Variants in ATM observed in about 807,000 individuals in gnomAD.
ATM encodes the protein serine-protein kinase ATM.
Under a neutral mutation model 387.0 loss-of-function variants are expected in ATM, and 308 were observed. That is an observed-to-expected ratio of 0.80 (90% CI 0.73 to 0.87). The LOEUF (loss-of-function observed/expected upper bound fraction) is 0.87, where lower values mean the gene tolerates loss of function less well. ATM is among the 40% of genes least tolerant of loss of function. The probability of loss-of-function intolerance (pLI) is 0.00; values close to 1 mark genes in which losing one functional copy is unlikely to be tolerated. For synonymous variants in ATM, 1,156 were observed against 1,187.3 expected, an observed-to-expected ratio of 0.97 and a Z score of 0.54; for missense variants, 3,312 against 3,560.9, an observed-to-expected ratio of 0.93 and a Z score of 1.78.
At position 108,290,780 on chromosome 11, in the gene ATM, A is replaced by G. The variant is rs954912406; in HGVS notation, c.4436+979A>G. The G allele has an allele frequency of 2.0e-5, 3 of 150,592 alleles. No individual in the cohort carries two copies. In the East Asian group the frequency reaches 5.9e-4, roughly 29 times the overall value. 9.3% of individuals were successfully genotyped at this position (150,592 alleles called of 1,614,324 possible). A position where few individuals can be genotyped will look rare whatever the true frequency, so the allele number is the denominator to read the frequency against. On this transcript the variant is annotated intron_variant, in intron 29 of 62. Transcript: ENST00000675843. ...GAGGCTGCCAGTGAGCCTTGATTGC[A>G]CCACTGCATTCATGCCTGGGCAACA...
rs1591398314 is a variant in ATM at position 108,368,664 on chromosome 11, C to G, written c.*3156C>G. ...GGTCAATGAAAACCAAATAGTGAAGCTATCAGAGAAGCTAATAAATTATAG... is the reference window on the plus strand; with the variant it reads ...GGTCAATGAAAACCAAATAGTGAAGGTATCAGAGAAGCTAATAAATTATAG... On this transcript the variant is annotated 3_prime_UTR_variant, in exon 63 of 63. Transcript: ENST00000675843. 2 of 217,258 alleles carry G rather than the reference C, an allele frequency of 9.2e-6. No individual in the cohort carries two copies. Among genetic ancestry groups the G allele is most frequent in the South Asian group, 1.9e-4 (1 of 5,380 alleles). 13.5% of individuals were successfully genotyped at this position (217,258 alleles called of 1,614,324 possible).
chr11:108,252,758 A>T (rs2080223331), intron 11 of ATM, 59 bp from the exon 12 acceptor site: 1 of 1,177,174 alleles, frequency 8.5e-7, no homozygotes, highest in Non-Finnish European at 1.3e-6. Context: ...GTTAAAGTTT[A>T]AAGTATTCTT....
chr11:108,255,231 G>A (rs1246845459), intron 13 of ATM, among the ~76,000 whole-genome samples: 1 of 152,024 alleles, frequency 6.6e-6, no homozygotes, highest in Non-Finnish European at 1.5e-5. Context: ...CATGAGAGGG[G>A]ACAGTGTGCC....
intron 19 of ATM, 36 bp downstream of exon 19, chr11:108,271,182 A>T (rs2135549738): frequency 6.2e-7 from 1 of 1,613,364 alleles, no homozygotes. Flanking sequence ...GTTCACTTTA[A>T]AGTTATAAAA....
Position 108,272,591 on chromosome 11 carries a change from T to C in ATM, c.3137T>C (p.Leu1046Pro), listed in dbSNP as rs568461905. The C allele has an allele frequency of 1.9e-6, 3 of 1,613,832 alleles. No individual in the cohort carries two copies. The highest frequency in any genetic ancestry group is 2.2e-5 in the South Asian group (2 of 91,080). The change falls in exon 21 of 63, where the codon CTT becomes CCT. Residue 1046 changes from leucine to proline, a missense_variant. Coordinates refer to ENST00000675843, the MANE Select transcript of ATM (RefSeq NM_000051.4). ...GTAAGAATGGCCCTAGTAAATTGCC[T>C]TAAAACTTTGCTTGAGGTGAGTTTT... ...FSVRMALVNC[L>P]KTLLEADPYS...
chr11:108,349,259 A>G (rs1260678844), intron 59 of ATM, among the ~76,000 whole-genome samples: 6 of 152,230 alleles, frequency 3.9e-5, no homozygotes, highest in African/African-American at 2.4e-5. Flanking sequence ...AGACCTTTGA[A>G]TTTAACAAGT....
intron 22 of ATM, among the ~76,000 whole-genome samples, chr11:108,273,668 A>T (rs2081756535): frequency 6.6e-6 from 1 of 151,804 alleles, no homozygotes; most frequent in Non-Finnish European, 1.5e-5. Flanking sequence ...TGTTTATGTG[A>T]TGGATTATGT....
At chr11:108,262,258 A>T (rs1399570931) in intron 16 of ATM, among the ~76,000 whole-genome samples, 2 of 152,256 alleles carry the variant, frequency 1.3e-5, no homozygotes, top group Non-Finnish European at 2.9e-5. Context: ...CCTGAGAGGG[A>T]AGCACATCAG....
In ATM at chr11:108,281,031, A is replaced by G. The variant is rs769853739; in HGVS notation, c.3439A>G (p.Ile1147Val). 1.2e-6 allele frequency: 2 copies of G among 1,613,504 alleles called. No individual in the cohort carries two copies. Among genetic ancestry groups the G allele is most frequent in the Non-Finnish European group, 1.7e-6 (2 of 1,179,694 alleles). Reference protein sequence around the residue: ...SAENPETLDEIYNRKSVLLTL... With the variant: ...SAENPETLDEVYNRKSVLLTL... ...TGAGAACCCTGAAACTTTGGATGAA[A>G]TTTATAATAGAAAATCTGTTTTACT... is the stretch of plus-strand genomic sequence containing the variant. Residue 1147 changes from isoleucine to valine, a missense_variant, in exon 24 of 63, where the codon ATT (isoleucine) becomes GTT (valine). This residue lies in a region of ATM where 1,791 missense variants were observed against 1,804.5 expected (regional missense o/e 0.99). Coordinates refer to ENST00000675843, the MANE Select transcript of ATM (RefSeq NM_000051.4).
In ATM at chr11:108,353,759, A is replaced by T. The variant is rs2137284033; in HGVS notation, c.8672-7A>T. 3 of 1,589,392 alleles carry T rather than the reference A, an allele frequency of 1.9e-6. No individual in the cohort carries two copies. Among genetic ancestry groups the T allele is most frequent in the Non-Finnish European group, 2.6e-6 (3 of 1,157,474 alleles). The stretch of plus-strand genomic sequence containing the variant: ...ACCTCCTAACTTCACTGTATTCTTT[A>T]CTTTAGGTGTTGCTTTTGAACAGGG... On this transcript the variant is annotated splice_polypyrimidine_tract_variant and splice_region_variant and intron_variant, in intron 59 of 62. Transcript: ENST00000675843.
chr11:108,343,195 TA>T (rs2087799450), intron 56 of ATM, 26 bp from the exon 57 acceptor site: 1 of 1,613,748 alleles, frequency 6.2e-7, no homozygotes, highest in African/African-American at 1.3e-5. Context: ...CTTTTAAAAT[TA>T]AAAGGTATTT....
chr11:108,252,130 T>C, intron 11 of ATM, 99 bp downstream of exon 11: 1 of 1,081,108 alleles, frequency 9.2e-7, no homozygotes, highest in South Asian at 1.4e-5. Flanking sequence ...ATAATAATAA[T>C]GCAGAATTTC....
Position 108,366,366 on chromosome 11 carries a change from A to G in ATM, c.*858A>G. On this transcript the variant is annotated 3_prime_UTR_variant, in exon 63 of 63. Coordinates refer to ENST00000675843, the MANE Select transcript of ATM (RefSeq NM_000051.4). ...CATTTCTAATTATGCATCATTTTTC[A>G]GATCTCTGTTTCTTGATGTCATTTT... The G allele has an allele frequency of 4.7e-6, 1 of 214,462 alleles. No homozygotes were observed. 13.3% of individuals were successfully genotyped at this position (214,462 alleles called of 1,614,324 possible).
chr11:108,289,132 G>C (rs2135754617), intron 28 of ATM, 29 bp downstream of exon 28: 1 of 1,583,710 alleles, frequency 6.3e-7, no homozygotes, highest in Non-Finnish European at 8.6e-7. Context: ...TTTAATAATA[G>C]AACATTCCTT....
rs1565452575 is a variant in ATM at position 108,287,636 on chromosome 11, G to T, written c.4030G>T (p.Val1344Leu). The change falls in exon 27 of 63, where the codon GTG becomes TTG. Residue 1344 changes from valine (V) to leucine (L), a missense_variant. Coordinates refer to ENST00000675843, the MANE Select transcript of ATM (RefSeq NM_000051.4). ...HLFISNLPEI[V>L]VELLMTLHEP... ...ATTCATTAGTAATTTACCAGAGATT[G>T]TGGTGGAGTTATTGATGACGTTACA... is the stretch of plus-strand genomic sequence containing the variant. The T allele has an allele frequency of 6.2e-7, 1 of 1,613,542 alleles. No individual in the cohort carries two copies. Among genetic ancestry groups the T allele is most frequent in the Non-Finnish European group, 8.5e-7 (1 of 1,179,758 alleles).
chr11:108,276,241 T>G lies in ATM; in HGVS notation c.3285-3250T>G, dbSNP rs149470819. Among the ~76,000 whole-genome samples, 93 of 152,372 alleles carry G rather than the reference T, an allele frequency of 6.1e-4. 1 individual carries two copies. In the East Asian group the frequency reaches 0.018, roughly 29 times the overall value. ...TTTATGTTCTTCTCTACACTGATTA[T>G]TCTAGTTAGCAGTTCCTCTAACCTT... is the stretch of plus-strand genomic sequence containing the variant. On this transcript the variant is annotated intron_variant, in intron 22 of 62. Coordinates refer to ENST00000675843, the MANE Select transcript of ATM (RefSeq NM_000051.4).
At chr11:108,259,184 C>A in intron 16 of ATM, 109 bp downstream of exon 16, 2 of 973,470 alleles carry the variant, frequency 2.1e-6, no homozygotes, top group African/African-American at 1.6e-5. Flanking sequence ...TAGCTCTTAA[C>A]ATTTTTACAA....
intron 61 of ATM, chr11:108,355,890 A>G (rs1218915015): frequency 6.6e-6 from 1 of 152,180 alleles, no homozygotes; most frequent in Non-Finnish European, 1.5e-5. Flanking sequence ...TCCTGTGTGC[A>G]CCTTTATGAA....
intron 61 of ATM, among the ~76,000 whole-genome samples, chr11:108,360,008 G>A (rs1215289555): frequency 6.6e-6 from 1 of 151,858 alleles, no homozygotes; most frequent in Non-Finnish European, 1.5e-5. Context: ...GAATCCAGGA[G>A]CTGGTTTTTT....
Sources: gnomAD v4.1 joint callset for allele counts (sites outside exome capture counted in the v4.1 genomes callset) on GRCh38, gnomAD v4.1.1 for gene constraint, gnomAD v4.1.1 regional missense constraint, MANE v1.5 for transcripts, NCBI Gene and HGNC (gene_info 2026-07-23, HGNC 2026-07-21) for gene names.